Variants in SGK3 observed in about 807,000 individuals in gnomAD.
SGK3 encodes serum/glucocorticoid regulated kinase family member 3.
SGK3 carries 47 observed loss-of-function variants against 68.5 expected under a neutral mutation model. The ratio of observed to expected loss-of-function variants is 0.69; its 90% CI spans 0.54 to 0.87. The LOEUF is 0.87. Ranked by LOEUF, SGK3 falls within the 40% of genes least tolerant of loss-of-function variation. The pLI, the probability that SGK3 is intolerant of heterozygous loss-of-function variation, is 0.00. For missense variants in SGK3, 479 were observed against 575.5 expected (o/e 0.83, Z 1.72); for synonymous variants, 181 against 189.1 (o/e 0.96, Z 0.35).
chr8:66,844,751 G>A (rs996151960), intron 14 of SGK3, among the ~76,000 whole-genome samples: 2 of 152,134 alleles, frequency 1.3e-5, no homozygotes, highest in Non-Finnish European at 2.9e-5. Flanking sequence ...AAACTGTGGC[G>A]CTTACAGTGA....
rs1372577351 is a variant in SGK3, at chr8:66,836,073, A to G, written c.740A>G (p.Glu247Gly). The G allele has an allele frequency of 6.2e-7, 1 of 1,610,186 alleles. No homozygotes were observed. ...YFVLDFVNGG[E>G]LFFHLQRERS... ...GTTCTGGATTTTGTTAATGGAGGGG[A>G]GGTGAGTTTTATAATGAGTTTTCTA... The change falls in exon 10 of 17, where the codon GAG becomes GGG. Residue 247 changes from glutamate to glycine, a missense_variant and splice_region_variant. Transcript: ENST00000521198.
At chr8:66,731,532 A>T (rs1013200085) in intron 1 of SGK3, among the ~76,000 whole-genome samples, 9 of 151,862 alleles carry the variant, frequency 5.9e-5, no homozygotes, top group South Asian at 2.1e-4. Context: ...TTATTTATTT[A>T]TTTTGTTTGT....
At position 66,796,941 on chromosome 8, in the gene SGK3, G is replaced by GT. The variant is rs79807368; in HGVS notation, c.97-1587dup. On this transcript the variant is annotated intron_variant, in intron 2 of 16. Transcript: ENST00000521198. ...AGGATTTCACAGGAAATCTAATCTTGTTTTTTTTTTTTTTACCAATGGAAA... is the reference window on the plus strand; with the variant it reads ...AGGATTTCACAGGAAATCTAATCTTGTTTTTTTTTTTTTTTACCAATGGAAA... Among the ~76,000 whole-genome samples the GT allele has an allele frequency of 9.8e-3, 1,327 of 135,756 alleles. 15 individuals carry two copies. The highest frequency in any genetic ancestry group is 0.027 in the African/African-American group (1,015 of 37,940). The allele number at this position is 135,756 out of a possible 152,430, so 89.1% of individuals were successfully genotyped here. A position where few individuals can be genotyped will look rare whatever the true frequency, so the allele number is the denominator to read the frequency against.
In SGK3 at chr8:66,835,846, G is replaced by A. The variant is rs1809504840; in HGVS notation, c.609G>A (p.Glu203=). 3 of 1,609,936 alleles carry A rather than the reference G, an allele frequency of 1.9e-6. No individual in the cohort carries two copies. The highest frequency in any genetic ancestry group is 2.5e-6 in the Non-Finnish European group (3 of 1,179,050). ...AAAAAATAGTTCTCAACAGAAAAGA[G>A]GTAAAATAAAATAGTTGTTTCTCTC... ...LQKKIVLNRK[E]QKHIMAERNV... Residue 203 remains glutamate, a splice_region_variant and synonymous_variant, in exon 9 of 17, where the codon GAG becomes GAA. Transcript: ENST00000521198.
At chr8:66,734,056 G>GA (rs113502001) in intron 1 of SGK3, among the ~76,000 whole-genome samples, 20,082 of 152,040 alleles carry the variant, frequency 0.13, 2,508 homozygotes, top group African/African-American at 0.33. Context: ...TGTACTGATG[G>GA]ATTTGTTGCA....
At chr8:66,776,016 T>C (rs1806694516) in intron 1 of SGK3, among the ~76,000 whole-genome samples, 1 of 152,224 alleles carries the variant, frequency 6.6e-6, no homozygotes, top group South Asian at 2.1e-4. Context: ...TAGTCCACAA[T>C]AAACTTTGGC....
intron 1 of SGK3, among the ~76,000 whole-genome samples, chr8:66,762,205 G>A (rs537654960): frequency 4.6e-5 from 7 of 152,232 alleles, no homozygotes; most frequent in Admixed American, 3.3e-4. Flanking sequence ...CTGACCTCAC[G>A]TGATCCACCC....
At chr8:66,734,046 T>A (rs1394602675) in intron 1 of SGK3, among the ~76,000 whole-genome samples, 2 of 146,828 alleles carry the variant, frequency 1.4e-5, no homozygotes, top group East Asian at 3.9e-4. Context: ...AGTTCTAAAA[T>A]GTACTGATGG....
At chr8:66,822,081 T>C (rs1199448287) in intron 5 of SGK3, among the ~76,000 whole-genome samples, 1 of 152,006 alleles carries the variant, frequency 6.6e-6, no homozygotes, top group Non-Finnish European at 1.5e-5. Context: ...TTTTAACTTA[T>C]ATTTCTCTGA....
At chr8:66,842,223 C>CTT (rs1237528455) in intron 13 of SGK3, among the ~76,000 whole-genome samples, 9 of 137,730 alleles carry the variant, frequency 6.5e-5, no homozygotes, top group East Asian at 2.1e-4. Flanking sequence ...TTTTCTTTTC[C>CTT]TTTTTTTTTT....
chr8:66,717,485 A>G (rs13248892), intron 1 of SGK3, among the ~76,000 whole-genome samples: 4 of 152,122 alleles, frequency 2.6e-5, no homozygotes, highest in Non-Finnish European at 5.9e-5. Context: ...GCGAGATCGC[A>G]CCACTGTGCT....
chr8:66,725,206 G>A (rs1021210782), intron 1 of SGK3, among the ~76,000 whole-genome samples: 2 of 152,074 alleles, frequency 1.3e-5, no homozygotes, highest in African/African-American at 2.4e-5. Context: ...TCCAGCCTGG[G>A]CGACAGAGTG....
intron 1 of SGK3, chr8:66,767,857 A>C: frequency 7.2e-7 from 1 of 1,397,936 alleles, no homozygotes; most frequent in Non-Finnish European, 1.0e-6. Context: ...GGGAGCATCG[A>C]ATGTTTTGCC....
intron 16 of SGK3, among the ~76,000 whole-genome samples, chr8:66,854,864 A>G (rs144023089): frequency 6.6e-6 from 1 of 152,196 alleles, no homozygotes; most frequent in East Asian, 1.9e-4. Context: ...AAACCTAGGT[A>G]TGGGCTGAAC....
At chr8:66,846,000 A>AT (rs1809996307) in intron 14 of SGK3, among the ~76,000 whole-genome samples, 1 of 152,190 alleles carries the variant, frequency 6.6e-6, no homozygotes, top group Non-Finnish European at 1.5e-5. Context: ...ATTTTATAAA[A>AT]ATACTGGTAA....
At chr8:66,726,877 T>G (rs956181427) in intron 1 of SGK3, among the ~76,000 whole-genome samples, 2 of 151,556 alleles carry the variant, frequency 1.3e-5, no homozygotes, top group Non-Finnish European at 2.9e-5. Context: ...GAATATCTTA[T>G]GCTGTTATCT....
chr8:66,771,907 C>G (rs1323906349), intron 1 of SGK3, among the ~76,000 whole-genome samples: 3 of 151,244 alleles, frequency 2.0e-5, no homozygotes, highest in Non-Finnish European at 4.4e-5. Context: ...TAATAATTTA[C>G]TTCTCCATTT....
At chr8:66,793,853 A>C in intron 2 of SGK3, 21 bp downstream of exon 2, 1 of 1,605,536 alleles carries the variant, frequency 6.2e-7, no homozygotes, top group South Asian at 1.1e-5. Flanking sequence ...AACATAAAGC[A>C]TGTGGGAAAA....
chr8:66,818,687 G>C (rs1307818915), intron 5 of SGK3, among the ~76,000 whole-genome samples: 2 of 152,118 alleles, frequency 1.3e-5, no homozygotes, highest in Non-Finnish European at 2.9e-5. Context: ...TGTGTTATCT[G>C]TCTGGCTTAT....
Sources: allele counts gnomAD v4.1 joint callset (sites outside exome capture counted in the v4.1 genomes callset), GRCh38; gene constraint gnomAD v4.1.1; transcripts MANE v1.5; gene names NCBI Gene and HGNC (gene_info 2026-07-23, HGNC 2026-07-21).